The following SERTM1 variants were observed in gnomAD, a reference collection of about 807,000 sequenced individuals.
SERTM1 encodes the protein serine-rich and transmembrane domain-containing protein 1.
A neutral mutation model predicts 5.5 loss-of-function variants in SERTM1; 1 was observed. The ratio of observed to expected loss-of-function variants is 0.18; its 90% CI spans 0.06 to 0.86. The LOEUF is 0.86. Among genes scored for constraint, SERTM1 ranks in the 40% least tolerant of loss-of-function variants. The probability of loss-of-function intolerance (pLI) is 0.69; values close to 1 mark genes in which losing one functional copy is unlikely to be tolerated. For missense variants in SERTM1, 91 were observed against 122.4 expected (o/e 0.74, Z 1.21); for synonymous variants, 52 against 55.1 (o/e 0.94, Z 0.25).
At chr13:36,684,818 G>GA (rs1566228767) in intron 1 of SERTM1, among the ~76,000 whole-genome samples, 1 of 152,082 alleles carries the variant, frequency 6.6e-6, no homozygotes, top group Non-Finnish European at 1.5e-5. Flanking sequence ...CTTGATAAAG[G>GA]ACTGTCAAAG....
intron 1 of SERTM1, among the ~76,000 whole-genome samples, chr13:36,682,874 T>C (rs1355672603): frequency 6.6e-6 from 1 of 152,154 alleles, no homozygotes; most frequent in Non-Finnish European, 1.5e-5. Flanking sequence ...GCAAATACTA[T>C]AGTTTTTCTT....
chr13:36,686,610 G>T (rs2056743119), intron 1 of SERTM1, among the ~76,000 whole-genome samples: 1 of 152,146 alleles, frequency 6.6e-6, no homozygotes, highest in African/African-American at 2.4e-5. Flanking sequence ...TTGAGGGTTA[G>T]TTGCTGATAA....
intron 1 of SERTM1, among the ~76,000 whole-genome samples, chr13:36,679,146 C>CA (rs201605551): frequency 1.3e-3 from 197 of 150,198 alleles, no homozygotes; most frequent in African/African-American, 4.2e-3. Flanking sequence ...GTGCCAGGCT[C>CA]AAAAAAAAAA....
intron 1 of SERTM1, among the ~76,000 whole-genome samples, chr13:36,689,550 T>C (rs2056764667): frequency 1.4e-5 from 2 of 147,156 alleles, no homozygotes; most frequent in Non-Finnish European, 3.0e-5. Context: ...AATAATAGTT[T>C]TTTTCCCCCA....
At chr13:36,682,917 A>G (rs981356832) in intron 1 of SERTM1, among the ~76,000 whole-genome samples, 1 of 152,108 alleles carries the variant, frequency 6.6e-6, no homozygotes, top group African/African-American at 2.4e-5. Flanking sequence ...ATTTGTTGAG[A>G]TGGAGTCTCA....
At chr13:36,681,304 C>G (rs370813804) in intron 1 of SERTM1, among the ~76,000 whole-genome samples, 2 of 152,196 alleles carry the variant, frequency 1.3e-5, no homozygotes, top group African/African-American at 4.8e-5. Context: ...GAAGGAAGCA[C>G]TGTATTTATT....
chr13:36,681,449 C>A (rs976049770), intron 1 of SERTM1, among the ~76,000 whole-genome samples: 2 of 152,094 alleles, frequency 1.3e-5, no homozygotes, highest in African/African-American at 2.4e-5. Context: ...TAAACATTTT[C>A]TTTTTCTGTG....
At chr13:36,674,520 A>C (rs2138080549) in intron 1 of SERTM1, among the ~76,000 whole-genome samples, 1 of 152,010 alleles carries the variant, frequency 6.6e-6, no homozygotes, top group South Asian at 2.1e-4. Context: ...GACACTGGGA[A>C]CCGGGAAGGT....
At chr13:36,693,957 T>C (rs554768654) in intron 1 of SERTM1, among the ~76,000 whole-genome samples, 3 of 152,182 alleles carry the variant, frequency 2.0e-5, no homozygotes, top group South Asian at 4.2e-4. Context: ...TAAGAAGAAA[T>C]GGTCCCCCCT....
At chr13:36,685,297 C>A (rs1414487610) in intron 1 of SERTM1, among the ~76,000 whole-genome samples, 1 of 152,240 alleles carries the variant, frequency 6.6e-6, no homozygotes, top group Admixed American at 6.5e-5. Flanking sequence ...GGGAAACCCA[C>A]ATGGGAAGGT....
chr13:36,678,127 T>C (rs183954820), intron 1 of SERTM1, among the ~76,000 whole-genome samples: 53 of 152,340 alleles, frequency 3.5e-4, no homozygotes, highest in South Asian at 6.2e-4. Flanking sequence ...TATGCTATAA[T>C]CAAATTTTAT....
At chr13:36,675,348 C>T (rs971206245) in intron 1 of SERTM1, among the ~76,000 whole-genome samples, 11 of 152,168 alleles carry the variant, frequency 7.2e-5, no homozygotes, top group African/African-American at 2.7e-4. Flanking sequence ...CTGGGGCGGA[C>T]CCGCGGGACT....
chr13:36,677,160 G>A (rs1270962620), intron 1 of SERTM1, among the ~76,000 whole-genome samples: 2 of 152,118 alleles, frequency 1.3e-5, no homozygotes, highest in South Asian at 2.1e-4. Flanking sequence ...CGTCCTTCAC[G>A]AGTTCCTTAT....
intron 1 of SERTM1, among the ~76,000 whole-genome samples, chr13:36,689,958 G>A (rs950598141): frequency 3.9e-5 from 6 of 152,182 alleles, no homozygotes; most frequent in Admixed American, 2.0e-4. Context: ...AATGGCCTGC[G>A]CTGGAATTGA....
At chr13:36,690,580 A>G (rs1379434964) in intron 1 of SERTM1, among the ~76,000 whole-genome samples, 14 of 152,214 alleles carry the variant, frequency 9.2e-5, no homozygotes, top group Non-Finnish European at 1.5e-5. Flanking sequence ...AGAGAAGATA[A>G]TCATGCAAAG....
chr13:36,694,892 CT>C lies in SERTM1; in HGVS notation c.-173-4del, dbSNP rs955281533. 3.7e-3 allele frequency: 1,833 copies of C among 490,130 alleles called. No individual in the cohort carries two copies. The highest frequency in any genetic ancestry group is 7.3e-3 in the South Asian group (254 of 34,682). The allele number at this position is 490,130 out of a possible 1,614,324, so 30.4% of individuals were successfully genotyped here. ...TTTTTCTGAAGAATGCACTGACTTG[CT>C]TTTTTTTTTCAGTCTCAATGCACAT... On this transcript the variant is annotated splice_polypyrimidine_tract_variant and intron_variant, in intron 1 of 1. Transcript: ENST00000315190.
chr13:36,693,089 G>T (rs1213312422), intron 1 of SERTM1, among the ~76,000 whole-genome samples: 3 of 152,202 alleles, frequency 2.0e-5, no homozygotes, highest in Non-Finnish European at 4.4e-5. Flanking sequence ...GGGTGAGGGT[G>T]GGGAGAAGCC....
chr13:36,695,532 T>A lies in SERTM1; in HGVS notation c.*130T>A. 1.4e-6 allele frequency: 1 copy of A among 690,326 alleles called. No homozygotes were observed. The highest frequency in any genetic ancestry group is 2.5e-6 in the Non-Finnish European group (1 of 402,378). The allele number at this position is 690,326 out of a possible 1,614,324, so 42.8% of individuals were successfully genotyped here. On this transcript the variant is annotated 3_prime_UTR_variant, in exon 2 of 2. Coordinates refer to ENST00000315190, the MANE Select transcript of SERTM1 (RefSeq NM_203451.3). ...CCTGCTTCTCCTTCTCCTTTTTCTC[T>A]GATTTCTTTTCTGTTCATGATGCTT... is the stretch of plus-strand genomic sequence containing the variant.
intron 1 of SERTM1, among the ~76,000 whole-genome samples, chr13:36,678,318 T>C (rs1008866945): frequency 1.1e-4 from 16 of 152,154 alleles, no homozygotes; most frequent in Admixed American, 1.0e-3. Flanking sequence ...TTTTGTTGTT[T>C]TTGCATCTAA....
Sources: gnomAD v4.1 joint callset for allele counts (sites outside exome capture counted in the v4.1 genomes callset) on GRCh38, gnomAD v4.1.1 for gene constraint, MANE v1.5 for transcripts, NCBI Gene and HGNC (gene_info 2026-07-23, HGNC 2026-07-21) for gene names.